The following RCAN2 variants were observed in gnomAD, a reference collection of about 807,000 sequenced individuals.
RCAN2 encodes calcipressin-2.
RCAN2 carries 9 observed loss-of-function variants against 23.6 expected under a neutral mutation model. That is an observed-to-expected ratio of 0.38 (90% CI 0.23 to 0.67). The LOEUF is 0.67. Ranked by LOEUF, RCAN2 falls within the 30% of genes least tolerant of loss-of-function variation. The probability of loss-of-function intolerance (pLI) is 0.51; values close to 1 mark genes in which losing one functional copy is unlikely to be tolerated. For missense variants in RCAN2, 273 were observed against 302.3 expected, an observed-to-expected ratio of 0.90 and a Z score of 0.72; for synonymous variants, 109 against 115.7, an observed-to-expected ratio of 0.94 and a Z score of 0.37.
intron 2 of RCAN2, among the ~76,000 whole-genome samples, chr6:46,258,609 T>C (rs927741122): frequency 3.9e-5 from 6 of 152,142 alleles, no homozygotes; most frequent in Non-Finnish European, 8.8e-5. Context: ...AGAAGCCACT[T>C]TGTTCTAAAA....
intron 2 of RCAN2, among the ~76,000 whole-genome samples, chr6:46,274,569 G>A (rs1392937977): frequency 1.3e-5 from 2 of 152,178 alleles, no homozygotes; most frequent in African/African-American, 2.4e-5. Context: ...AACCTTCAAA[G>A]GGTGGTAAAA....
At chr6:46,481,340 G>A (rs1162485217) in intron 1 of RCAN2, among the ~76,000 whole-genome samples, 1 of 152,186 alleles carries the variant, frequency 6.6e-6, no homozygotes, top group Non-Finnish European at 1.5e-5. Context: ...CTATGGATGT[G>A]CCATAAATGC....
At chr6:46,337,032 A>T (rs1374832392) in intron 2 of RCAN2, among the ~76,000 whole-genome samples, 2 of 152,084 alleles carry the variant, frequency 1.3e-5, no homozygotes, top group African/African-American at 4.8e-5. Flanking sequence ...TGGTAACTGT[A>T]ACTGAAATAG....
At chr6:46,377,545 G>T (rs892038045) in intron 2 of RCAN2, among the ~76,000 whole-genome samples, 1 of 152,212 alleles carries the variant, frequency 6.6e-6, no homozygotes, top group Non-Finnish European at 1.5e-5. Context: ...GAAGCCAAGG[G>T]TGCAGCTGTC....
At position 46,401,956 on chromosome 6, in the gene RCAN2, C is replaced by T. The variant is rs576827954; in HGVS notation, c.225+54796G>A. On this transcript the variant is annotated intron_variant, in intron 2 of 4. Transcript: ENST00000371374. ...ACACAGCTTGTGAGCTCAGCCTAAGCAGGCCTGGATGCAAAGCCCATGTCA... is the reference window on the plus strand; with the variant it reads ...ACACAGCTTGTGAGCTCAGCCTAAGTAGGCCTGGATGCAAAGCCCATGTCA... Among the ~76,000 whole-genome samples the T allele has an allele frequency of 5.9e-5, 9 of 152,142 alleles. No individual in the cohort carries two copies. The South Asian group carries it at 6.2e-4, about 11-fold the overall frequency.
chr6:46,401,869 A>G (rs1766256640), intron 2 of RCAN2, among the ~76,000 whole-genome samples: 2 of 152,196 alleles, frequency 1.3e-5, no homozygotes, highest in South Asian at 4.1e-4. Context: ...GGAATTCCCC[A>G]GACACATCTG....
chr6:46,410,011 TTC>T (rs137858061), intron 2 of RCAN2, among the ~76,000 whole-genome samples: 3 of 151,028 alleles, frequency 2.0e-5, no homozygotes, highest in Admixed American at 6.6e-5. Flanking sequence ...TGATTTTGTT[TTC>T]TCTCTCTCTC....
intron 2 of RCAN2, among the ~76,000 whole-genome samples, chr6:46,436,379 A>AT (rs1315688284): frequency 6.6e-6 from 1 of 152,122 alleles, no homozygotes. Context: ...TGCCCGGCTA[A>AT]TTTTTTTGTA....
intron 2 of RCAN2, among the ~76,000 whole-genome samples, chr6:46,369,324 G>C (rs1459802845): frequency 6.6e-6 from 1 of 152,142 alleles, no homozygotes; most frequent in Non-Finnish European, 1.5e-5. Flanking sequence ...GGTAATAAGA[G>C]TGCACTCTAA....
At chr6:46,290,319 A>C (rs763112189) in intron 2 of RCAN2, among the ~76,000 whole-genome samples, 4 of 152,210 alleles carry the variant, frequency 2.6e-5, no homozygotes, top group Non-Finnish European at 4.4e-5. Context: ...AGGTGGAATC[A>C]ACAACTGCTA....
intron 2 of RCAN2, among the ~76,000 whole-genome samples, chr6:46,275,793 T>G (rs1767675530): frequency 6.6e-6 from 1 of 152,174 alleles, no homozygotes; most frequent in South Asian, 2.1e-4. Context: ...ACATAAAAAT[T>G]ATCAGATGCG....
chr6:46,481,118 G>A (rs755100467), intron 1 of RCAN2, among the ~76,000 whole-genome samples: 5 of 152,212 alleles, frequency 3.3e-5, no homozygotes, highest in Non-Finnish European at 7.3e-5. Flanking sequence ...GGCGATGAAT[G>A]AGTAGGTGCA....
intron 2 of RCAN2, among the ~76,000 whole-genome samples, chr6:46,347,191 A>C (rs766814514): frequency 5.3e-5 from 8 of 152,226 alleles, no homozygotes; most frequent in Non-Finnish European, 1.0e-4. Flanking sequence ...CCAGTTGTTT[A>C]GAGAAAAATT....
chr6:46,360,533 C>CAAAA (rs765916099), intron 2 of RCAN2, among the ~76,000 whole-genome samples: 3 of 33,490 alleles, frequency 9.0e-5, no homozygotes, highest in South Asian at 1.8e-3. Context: ...GACTCCGTCT[C>CAAAA]AAAAAAAAAA....
chr6:46,322,552 C>T (rs1229327064), intron 2 of RCAN2, among the ~76,000 whole-genome samples: 1 of 152,242 alleles, frequency 6.6e-6, no homozygotes, highest in Non-Finnish European at 1.5e-5. Context: ...TTTGTGGATG[C>T]TTCTACCCAT....
intron 1 of RCAN2, among the ~76,000 whole-genome samples, chr6:46,470,579 C>T (rs1768531264): frequency 6.6e-6 from 1 of 152,188 alleles, no homozygotes; most frequent in African/African-American, 2.4e-5. Flanking sequence ...GTGACACATA[C>T]AAAAATGTTC....
At chr6:46,254,867 G>A (rs1156815868) in intron 2 of RCAN2, among the ~76,000 whole-genome samples, 1 of 152,178 alleles carries the variant, frequency 6.6e-6, no homozygotes, top group African/African-American at 2.4e-5. Context: ...AACATAGGGA[G>A]AGTGTCCTGT....
At chr6:46,350,938 A>G (rs1186160219) in intron 2 of RCAN2, among the ~76,000 whole-genome samples, 1 of 152,138 alleles carries the variant, frequency 6.6e-6, no homozygotes, top group Non-Finnish European at 1.5e-5. Context: ...AGTGCTGACT[A>G]ACTTGACCTT....
chr6:46,328,528 A>G (rs767813110), intron 2 of RCAN2, among the ~76,000 whole-genome samples: 3 of 152,216 alleles, frequency 2.0e-5, no homozygotes, highest in Non-Finnish European at 2.9e-5. Context: ...TCATTCGTCT[A>G]TACAATATGG....
Sources: allele counts gnomAD v4.1 joint callset (sites outside exome capture counted in the v4.1 genomes callset), GRCh38; gene constraint gnomAD v4.1.1; transcripts MANE v1.5; gene names NCBI Gene and HGNC (gene_info 2026-07-23, HGNC 2026-07-21).